The following SERPINA11 variants were observed in gnomAD, a reference collection of about 807,000 sequenced individuals.
SERPINA11 encodes the protein serpin A11.
A neutral mutation model predicts 29.4 loss-of-function variants in SERPINA11; 28 were observed. The observed-to-expected ratio is 0.95, with a 90% CI of 0.70 to 1.30. SERPINA11 has a LOEUF of 1.30. Ranked by LOEUF, SERPINA11 falls within the 50% of genes most tolerant of loss-of-function variation. SERPINA11 has a pLI of 0.00. For missense variants in SERPINA11, 530 were observed against 507.3 expected (o/e 1.04, Z -0.43); for synonymous variants, 253 against 206.6 (o/e 1.22, Z -1.92).
intron 1 of SERPINA11, 131 bp downstream of exon 1, chr14:94,452,598 A>AACACACGCACACAC (rs1898606911): frequency 8.3e-6 from 1 of 120,098 alleles, no homozygotes; most frequent in Non-Finnish European, 1.7e-5. Context: ...CAAAGCCAGG[A>AACACACGCACACAC]ACACACACAC....
intron 3 of SERPINA11, among the ~76,000 whole-genome samples, chr14:94,444,609 G>A (rs10140417): frequency 0.4 from 60,395 of 151,930 alleles, 13,055 homozygotes; most frequent in African/African-American, 0.57. Context: ...GACTAGAGCC[G>A]TGGAGCTTCA....
At position 94,443,202 on chromosome 14, in the gene SERPINA11, C is replaced by T. The variant is rs1431334249; in HGVS notation, c.941G>A (p.Arg314Lys). 2 of 1,613,590 alleles carry T rather than the reference C, an allele frequency of 1.2e-6. No homozygotes were observed. The highest frequency in any genetic ancestry group is 3.3e-5 in the Admixed American group (2 of 59,954). The change falls in exon 4 of 5, where the codon AGG (arginine) becomes AAG (lysine). Residue 314 changes from arginine to lysine, a missense_variant. Transcript: ENST00000334708. Reference protein sequence around the residue: ...LPSLLDLHLPRFSISGTYNLE... With the variant: ...LPSLLDLHLPKFSISGTYNLE... ...GTTATATGTTCCAGAAATTGAAAACCTTGGCAAGTGCAAATCCAACAGACT... is the reference window on the plus strand; with the variant it reads ...GTTATATGTTCCAGAAATTGAAAACTTTGGCAAGTGCAAATCCAACAGACT...
At position 94,443,359 on chromosome 14, in the gene SERPINA11, T is replaced by G. The variant is rs572889411; in HGVS notation, c.918-134A>C. ...GAAGCAACCAGTCTTCCCATGACAC[T>G]GTTCACTATGGCGGACCATGCCACT... On this transcript the variant is annotated intron_variant, in intron 3 of 4. Coordinates refer to ENST00000334708, the MANE Select transcript of SERPINA11 (RefSeq NM_001080451.2). 6.3e-5 allele frequency: 49 copies of G among 776,950 alleles called. 1 individual carries two copies. The South Asian group carries it at 9.0e-4, about 14-fold the overall frequency. The allele number at this position is 776,950 out of a possible 1,614,324, so 48.1% of individuals were successfully genotyped here.
chr14:94,448,153 C>T lies in SERPINA11; in HGVS notation c.622G>A (p.Ala208Thr), dbSNP rs184631809. The T allele has an allele frequency of 6.2e-7, 1 of 1,613,834 alleles. No homozygotes were observed. Among genetic ancestry groups the T allele is most frequent in the African/African-American group, 1.3e-5 (1 of 75,036 alleles). Residue 208 changes from alanine to threonine, a missense_variant, in exon 2 of 5, where the codon GCC becomes ACC. Coordinates refer to ENST00000334708, the MANE Select transcript of SERPINA11 (RefSeq NM_001080451.2). The part of the protein sequence containing the change: ...EFSQDTFMVL[A>T]NYIFFKAKWK... ...TCACCTTTGAAGAAGATGTAATTGG[C>T]AAGAACCATGAACGTGTCCTGGCTG...
Position 94,448,447 on chromosome 14 carries a change from T to A in SERPINA11, c.328A>T (p.Thr110Ser). ...CCCTGGTGGATGTCGGCTTCAGGGG[T>A]TTCTGTGAGGTTGAATCCCAGGCCC... ...LEGLGFNLTE[T>S]PEADIHQGFR... is the part of the protein sequence containing the mutation. The change falls in exon 2 of 5, where the codon ACC (threonine) becomes TCC (serine). Residue 110 changes from threonine to serine, a missense_variant. Thr to Ser is a moderately conservative substitution (Grantham distance 58). Coordinates refer to ENST00000334708, the MANE Select transcript of SERPINA11 (RefSeq NM_001080451.2). The A allele has an allele frequency of 1.2e-6, 2 of 1,613,572 alleles. No individual in the cohort carries two copies. Among genetic ancestry groups the A allele is most frequent in the Non-Finnish European group, 8.5e-7 (1 of 1,179,904 alleles).
intron 1 of SERPINA11, 131 bp from the exon 2 acceptor site, chr14:94,448,908 G>T: frequency 1.3e-6 from 1 of 750,068 alleles, no homozygotes; most frequent in Non-Finnish European, 2.0e-6. Context: ...AAGAAGACAA[G>T]GCTGTGGATG....
chr14:94,443,316 A>G, intron 3 of SERPINA11, 91 bp from the exon 4 acceptor site: 3 of 1,309,016 alleles, frequency 2.3e-6, no homozygotes, highest in Non-Finnish European at 3.2e-6. Context: ...CATGGGAGAG[A>G]GGCATTTCCC....
chr14:94,448,722 T>A lies in SERPINA11; in HGVS notation c.53A>T (p.His18Leu). ...LLGTGILASV[H>L]CQPLLAHGDK... ...TCCATGGGCAAGAAGGGGCTGACAG[T>A]GGACAGAGGCCAGGATCCCTGTTCC... Residue 18 changes from histidine to leucine, a missense_variant, in exon 2 of 5, where the codon CAC (histidine) becomes CTC (leucine). Physicochemically the swap from His to Leu is moderately conservative, Grantham distance 99. Transcript: ENST00000334708. The A allele has an allele frequency of 1.3e-6, 2 of 1,522,868 alleles. No homozygotes were observed. Among genetic ancestry groups the A allele is most frequent in the South Asian group, 2.7e-5 (2 of 75,360 alleles). The allele number at this position is 1,522,868 out of a possible 1,614,324, so 94.3% of individuals were successfully genotyped here. A position where few individuals can be genotyped will look rare whatever the true frequency, so the allele number is the denominator to read the frequency against.
chr14:94,449,457 C>T (rs1284808268), intron 1 of SERPINA11, among the ~76,000 whole-genome samples: 1 of 116,430 alleles, frequency 8.6e-6, no homozygotes, highest in Admixed American at 8.7e-5. Flanking sequence ...TTCTTTCTTT[C>T]TTTCTTTCTT....
intron 1 of SERPINA11, among the ~76,000 whole-genome samples, chr14:94,449,414 TTTC>T (rs1595655355): frequency 5.2e-5 from 2 of 38,176 alleles, no homozygotes; most frequent in East Asian, 9.0e-4. Flanking sequence ...CTATTCTTTC[TTTC>T]TTTCTTTCTT....
Position 94,447,576 on chromosome 14 carries a change from C to T in SERPINA11, c.643+556G>A, listed in dbSNP as rs116572658. Among the ~76,000 whole-genome samples, 712 of 152,312 alleles carry T rather than the reference C, an allele frequency of 4.7e-3. 5 individuals carry two copies. The highest frequency in any genetic ancestry group is 0.016 in the African/African-American group (678 of 41,570). ...CTGTCACTTCACATTTAAAAGTCTT[C>T]GGCAATTCTAAGGTTCCCTGAATAA... On this transcript the variant is annotated intron_variant, in intron 2 of 4. Transcript: ENST00000334708.
At chr14:94,448,050 A>G in intron 2 of SERPINA11, 82 bp downstream of exon 2, 1 of 1,352,818 alleles carries the variant, frequency 7.4e-7, no homozygotes, top group East Asian at 2.3e-5. Flanking sequence ...GTGGTTAGCA[A>G]AGAACCTATT....
chr14:94,449,489 C>CTTTCTTTCTTTCTTTCT (rs1443574592), intron 1 of SERPINA11, among the ~76,000 whole-genome samples: 1 of 93,016 alleles, frequency 1.1e-5, no homozygotes, highest in African/African-American at 5.5e-5. Flanking sequence ...TTCTGTCTGT[C>CTTTCTTTCTTTCTTTCT]TGTCTTTCTT....
intron 1 of SERPINA11, among the ~76,000 whole-genome samples, chr14:94,449,332 T>G (rs548002657): frequency 6.6e-6 from 1 of 152,230 alleles, no homozygotes; most frequent in South Asian, 2.1e-4. Flanking sequence ...TGAGAACCTG[T>G]TTTAAAAACA....
chr14:94,443,032 C>A, intron 4 of SERPINA11, 46 bp downstream of exon 4: 6 of 1,573,240 alleles, frequency 3.8e-6, no homozygotes, highest in Non-Finnish European at 5.2e-6. Flanking sequence ...GAGAAACCTC[C>A]TACCTACCCC....
chr14:94,442,949 G>T, intron 4 of SERPINA11, 129 bp downstream of exon 4: 1 of 1,283,280 alleles, frequency 7.8e-7, no homozygotes, highest in Non-Finnish European at 1.1e-6. Flanking sequence ...ATGCCTTAAA[G>T]ACTGTGGTAT....
At chr14:94,445,886 T>C (rs1385797134) in intron 3 of SERPINA11, among the ~76,000 whole-genome samples, 3 of 152,206 alleles carry the variant, frequency 2.0e-5, no homozygotes, top group Admixed American at 2.0e-4. Flanking sequence ...CATGATTATT[T>C]TTCACTGTCT....
At chr14:94,449,396 CTTTCTTTCTA>C (rs1566784525) in intron 1 of SERPINA11, among the ~76,000 whole-genome samples, 2 of 12,164 alleles carry the variant, frequency 1.6e-4, no homozygotes, top group African/African-American at 2.5e-4. Context: ...CTCCCTCTTT[CTTTCTTTCTA>C]TTCTTTCTTT....
Position 94,448,125 on chromosome 14 carries a change from G to T in SERPINA11, c.643+7C>A. 1 of 1,611,076 alleles carries T rather than the reference G, an allele frequency of 6.2e-7. No homozygotes were observed. Among genetic ancestry groups the T allele is most frequent in the Non-Finnish European group, 8.5e-7 (1 of 1,177,998 alleles). ...AGTGGCAATAATTCTGTCAGAGCAA[G>T]CCTCACCTTTGAAGAAGATGTAATT... is the stretch of plus-strand genomic sequence containing the variant. On this transcript the variant is annotated splice_region_variant and intron_variant, in intron 2 of 4. Transcript: ENST00000334708.
Sources: allele counts gnomAD v4.1 joint callset (sites outside exome capture counted in the v4.1 genomes callset), GRCh38; gene constraint gnomAD v4.1.1; transcripts MANE v1.5; gene names NCBI Gene and HGNC (gene_info 2026-07-23, HGNC 2026-07-21).